Variants in DDX19B observed in about 807,000 individuals in gnomAD.
DDX19B encodes ATP-dependent RNA helicase DDX19B.
In DDX19B, 27 loss-of-function variants were observed where a neutral mutation model predicts 58.1. The observed-to-expected ratio is 0.46, with a 90% CI of 0.34 to 0.64. The LOEUF (loss-of-function observed/expected upper bound fraction) is 0.64, where lower values mean the gene tolerates loss of function less well. Among genes scored for constraint, DDX19B ranks in the 30% least tolerant of loss-of-function variants. The pLI, the probability that DDX19B is intolerant of heterozygous loss-of-function variation, is 0.01. For missense variants in DDX19B, 399 were observed against 596.5 expected, an observed-to-expected ratio of 0.67 and a Z score of 3.45; for synonymous variants, 187 against 214.4, an observed-to-expected ratio of 0.87 and a Z score of 1.12.
At chr16:70,327,972 T>A (rs762016912) in intron 7 of DDX19B, among the ~76,000 whole-genome samples, 1 of 151,996 alleles carries the variant, frequency 6.6e-6, no homozygotes, top group Non-Finnish European at 1.5e-5. Flanking sequence ...ACCAACATGA[T>A]GAAACCCAGT....
upstream of DDX19B, among the ~76,000 whole-genome samples, chr16:70,298,865 A>G (rs1224916484): frequency 1.3e-5 from 2 of 152,282 alleles, no homozygotes; most frequent in East Asian, 3.9e-4. Flanking sequence ...TGAAAAGGGA[A>G]ACAGCTCTGT....
intron 8 of DDX19B, 101 bp downstream of exon 8, chr16:70,329,570 C>G (rs370143314): frequency 5.3e-6 from 8 of 1,521,654 alleles, no homozygotes; most frequent in Non-Finnish European, 6.3e-6. Flanking sequence ...GGTCTTGGCT[C>G]TCGTACTCTC....
At position 70,308,572 on chromosome 16, in the gene DDX19B, T is replaced by C. The variant is rs116783970; in HGVS notation, c.58-4037T>C. On this transcript the variant is annotated intron_variant, in intron 1 of 11. Coordinates refer to ENST00000288071, the MANE Select transcript of DDX19B (RefSeq NM_007242.7). ...TTTTTTAGGAGATGGGGTCTCACTA[T>C]GTTACCCAGGCTTGTCTCGAACTCC... Among the ~76,000 whole-genome samples, 464 of 151,974 alleles carry C rather than the reference T, an allele frequency of 3.1e-3. 2 individuals carry two copies. Among genetic ancestry groups the C allele is most frequent in the African/African-American group, 0.011 (443 of 41,466 alleles).
At chr16:70,330,880 A>G (rs1205754264) in intron 9 of DDX19B, among the ~76,000 whole-genome samples, 2 of 151,782 alleles carry the variant, frequency 1.3e-5, no homozygotes, top group African/African-American at 2.4e-5. Context: ...CCCCATCTCT[A>G]CAAAAATTTT....
chr16:70,320,598 A>C (rs931011791), intron 5 of DDX19B, among the ~76,000 whole-genome samples: 1 of 150,462 alleles, frequency 6.6e-6, no homozygotes, highest in Non-Finnish European at 1.5e-5. Flanking sequence ...CCCAGGCTGG[A>C]GTGCAGTGGC....
chr16:70,324,580 C>A lies in DDX19B; in HGVS notation c.390-5C>A, dbSNP rs367573117. The A allele has an allele frequency of 1.9e-6, 3 of 1,610,880 alleles. No homozygotes were observed. The East Asian group carries it at 6.7e-5, about 36-fold the overall frequency. On this transcript the variant is annotated splice_polypyrimidine_tract_variant and splice_region_variant and intron_variant, in intron 5 of 11. Transcript: ENST00000288071. ...AAGCTCCTAACTAGTTTGTTTCTTGCGCAGCCCACAGAACTTAATTGCCCA... is the reference window on the plus strand; with the variant it reads ...AAGCTCCTAACTAGTTTGTTTCTTGAGCAGCCCACAGAACTTAATTGCCCA...
upstream of DDX19B, among the ~76,000 whole-genome samples, chr16:70,294,315 T>C (rs1961140826): frequency 6.6e-6 from 1 of 151,858 alleles, no homozygotes; most frequent in African/African-American, 2.4e-5. Context: ...TCTCCTGACC[T>C]CGTGATCCAC....
upstream of DDX19B, among the ~76,000 whole-genome samples, chr16:70,290,910 C>G (rs1597455122): frequency 2.6e-5 from 4 of 152,326 alleles, no homozygotes; most frequent in Middle Eastern, 0.01. Context: ...AACCACTGCA[C>G]TATTACCTCC....
chr16:70,305,033 G>C (rs1961685723), intron 1 of DDX19B, among the ~76,000 whole-genome samples: 1 of 152,106 alleles, frequency 6.6e-6, no homozygotes, highest in African/African-American at 2.4e-5. Flanking sequence ...TGTGATGACT[G>C]TTTCTCAGAT....
At chr16:70,311,109 C>T (rs531018154) in intron 1 of DDX19B, among the ~76,000 whole-genome samples, 1 of 150,724 alleles carries the variant, frequency 6.6e-6, no homozygotes, top group South Asian at 2.1e-4. Context: ...CGTGGCAGCT[C>T]ATATCTGTAA....
rs566559623 is a variant in DDX19B at position 70,328,605 on chromosome 16, C to T, written c.608-687C>T. Among the ~76,000 whole-genome samples, 12 of 151,890 alleles carry T rather than the reference C, an allele frequency of 7.9e-5. No individual in the cohort carries two copies. In the South Asian group the frequency reaches 1.0e-3, roughly 13 times the overall value. On this transcript the variant is annotated intron_variant, in intron 7 of 11. Transcript: ENST00000288071. ...CTCGAACTCCTGACCTCAGGTGATC[C>T]GCCTGCCTCAGCCTTCCAAAATGCT...
chr16:70,302,440 G>C, intron 1 of DDX19B, among the ~76,000 whole-genome samples: 1 of 151,978 alleles, frequency 6.6e-6, no homozygotes, highest in Non-Finnish European at 1.5e-5. Flanking sequence ...TATGTTTTCT[G>C]TCATTATAGT....
At chr16:70,323,188 C>T (rs1962945059) in intron 5 of DDX19B, among the ~76,000 whole-genome samples, 1 of 151,888 alleles carries the variant, frequency 6.6e-6, no homozygotes, top group South Asian at 2.1e-4. Flanking sequence ...CAACCTCCAC[C>T]CTCCACCTCC....
chr16:70,312,499 C>T, intron 1 of DDX19B, 110 bp from the exon 2 acceptor site: 1 of 954,488 alleles, frequency 1.0e-6, no homozygotes, highest in Non-Finnish European at 1.7e-6. Context: ...ATGAATATAC[C>T]TTGAGAATGG....
chr16:70,308,266 ATTTT>A, intron 1 of DDX19B, among the ~76,000 whole-genome samples: 1 of 130,478 alleles, frequency 7.7e-6, no homozygotes, highest in Admixed American at 7.9e-5. Context: ...TTATTTATTT[ATTTT>A]TAAGACAGAG....
intron 5 of DDX19B, among the ~76,000 whole-genome samples, chr16:70,318,201 G>T (rs983748463): frequency 6.6e-6 from 1 of 150,698 alleles, no homozygotes; most frequent in East Asian, 2.0e-4. Flanking sequence ...GATGAAACCC[G>T]ACTCTACTAA....
chr16:70,301,921 ATTT>A (rs772503910), intron 1 of DDX19B, among the ~76,000 whole-genome samples: 1 of 130,270 alleles, frequency 7.7e-6, no homozygotes. Flanking sequence ...TGGCCCTTTA[ATTT>A]TTTTTTTTTT....
At chr16:70,300,767 CCA>C (rs1267107581) in intron 1 of DDX19B, among the ~76,000 whole-genome samples, 1 of 152,056 alleles carries the variant, frequency 6.6e-6, no homozygotes, top group Non-Finnish European at 1.5e-5. Flanking sequence ...TGGGCTCAAG[CCA>C]TCCTCCCACC....
intron 7 of DDX19B, among the ~76,000 whole-genome samples, chr16:70,328,052 G>GC (rs1329697924): frequency 6.6e-6 from 1 of 151,792 alleles, no homozygotes; most frequent in Non-Finnish European, 1.5e-5. Context: ...TACTCAGGAG[G>GC]CTGAGGCAGG....
Sources: allele counts gnomAD v4.1 joint callset (sites outside exome capture counted in the v4.1 genomes callset), GRCh38; gene constraint gnomAD v4.1.1; transcripts MANE v1.5; gene names NCBI Gene and HGNC (gene_info 2026-07-23, HGNC 2026-07-21).